Variants in MGAT4C observed in about 807,000 individuals in gnomAD.
The protein encoded by MGAT4C is alpha-1,3-mannosyl-glycoprotein 4-beta-N-acetylglucosaminyltransferase C.
In MGAT4C, 19 loss-of-function variants were observed where a neutral mutation model predicts 40.1. The observed-to-expected ratio is 0.47, with a 90% confidence interval of 0.33 to 0.70. MGAT4C has a LOEUF of 0.70. Among genes scored for constraint, MGAT4C ranks in the 30% least tolerant of loss-of-function variants. MGAT4C has a pLI of 0.02. For synonymous variants in MGAT4C, 181 were observed against 187.1 expected, an observed-to-expected ratio of 0.97 and a Z score of 0.27; for missense variants, 491 against 563.2, an observed-to-expected ratio of 0.87 and a Z score of 1.30.
chr12:86,229,297 C>T (rs1157692305), intron 1 of MGAT4C, among the ~76,000 whole-genome samples: 3 of 151,740 alleles, frequency 2.0e-5, no homozygotes, highest in Admixed American at 6.6e-5. Flanking sequence ...ATTATTAATA[C>T]AATAAATAGC....
chr12:86,340,737 A>G (rs1954889378), intron 3 of MGAT4C, among the ~76,000 whole-genome samples: 2 of 152,022 alleles, frequency 1.3e-5, no homozygotes, highest in African/African-American at 4.8e-5. Context: ...GTGGCTTGGA[A>G]CTAGAAGACC....
intron 1 of MGAT4C, among the ~76,000 whole-genome samples, chr12:86,082,674 A>C (rs1348382117): frequency 2.0e-5 from 3 of 152,116 alleles, no homozygotes; most frequent in African/African-American, 7.2e-5. Context: ...TACATATGAT[A>C]TGATATCTAT....
intron 1 of MGAT4C, among the ~76,000 whole-genome samples, chr12:86,243,527 G>A (rs1187826923): frequency 1.3e-5 from 2 of 152,168 alleles, no homozygotes; most frequent in Non-Finnish European, 2.9e-5. Flanking sequence ...TTCCATTTTA[G>A]CAGACTTAAA....
At chr12:86,745,993 C>A (rs534827902) in intron 1 of MGAT4C, among the ~76,000 whole-genome samples, 1 of 151,644 alleles carries the variant, frequency 6.6e-6, no homozygotes, top group Non-Finnish European at 1.5e-5. Flanking sequence ...TTGCTCCAGC[C>A]TCAGTGAGGA....
rs117755432 is a variant in MGAT4C, at chr12:86,517,840, G to C, written c.-228-82575C>G. 8.9e-3 allele frequency among the ~76,000 whole-genome samples: 1,353 copies of C among 152,116 alleles called. 8 individuals are homozygous for C. Among genetic ancestry groups the C allele is most frequent in the Middle Eastern group, 0.017 (5 of 294 alleles). ...TTGTTTTTGTATTTTTAGTAGTAACGGGGTTTCACCGTATTAGCCAGATGG... is the reference window on the plus strand; with the variant it reads ...TTGTTTTTGTATTTTTAGTAGTAACCGGGTTTCACCGTATTAGCCAGATGG... On this transcript the variant is annotated intron_variant, in intron 2 of 7. Transcript: ENST00000548651.
intron 2 of MGAT4C, among the ~76,000 whole-genome samples, chr12:86,606,124 A>C (rs1962035020): frequency 6.6e-6 from 1 of 152,066 alleles, no homozygotes; most frequent in South Asian, 2.1e-4. Context: ...TCATGAGAAC[A>C]GCATGGGGGA....
intron 1 of MGAT4C, among the ~76,000 whole-genome samples, chr12:86,247,469 G>T (rs895296410): frequency 6.6e-6 from 1 of 152,066 alleles, no homozygotes; most frequent in African/African-American, 2.4e-5. Context: ...ACAGTCTCGT[G>T]GGAAGACTGG....
At chr12:86,688,568 T>C (rs1038681611) in intron 2 of MGAT4C, among the ~76,000 whole-genome samples, 4 of 152,158 alleles carry the variant, frequency 2.6e-5, no homozygotes, top group African/African-American at 9.7e-5. Context: ...CAGCAGTTGC[T>C]TGTCTGTGAA....
At chr12:86,593,859 T>C (rs1284913676) in intron 2 of MGAT4C, among the ~76,000 whole-genome samples, 2 of 151,506 alleles carry the variant, frequency 1.3e-5, no homozygotes, top group Non-Finnish European at 2.9e-5. Flanking sequence ...TTCTACGTCA[T>C]GCTTCTCCAG....
intron 2 of MGAT4C, among the ~76,000 whole-genome samples, chr12:86,515,368 T>C (rs1489734423): frequency 6.6e-6 from 1 of 152,110 alleles, no homozygotes; most frequent in Non-Finnish European, 1.5e-5. Flanking sequence ...AGACACAATC[T>C]GGTATACAAA....
At chr12:86,621,355 A>C (rs970207246) in intron 2 of MGAT4C, among the ~76,000 whole-genome samples, 1 of 152,202 alleles carries the variant, frequency 6.6e-6, no homozygotes, top group Non-Finnish European at 1.5e-5. Flanking sequence ...GCTGCACAGG[A>C]CACTGATTCC....
chr12:86,480,957 A>G (rs889052834), intron 2 of MGAT4C, among the ~76,000 whole-genome samples: 5 of 151,918 alleles, frequency 3.3e-5, no homozygotes, highest in African/African-American at 9.7e-5. Context: ...ACTTTGAAGT[A>G]AAACTACCCA....
intron 2 of MGAT4C, among the ~76,000 whole-genome samples, chr12:86,540,200 T>C (rs1013498542): frequency 1.3e-5 from 2 of 152,232 alleles, no homozygotes; most frequent in African/African-American, 4.8e-5. Flanking sequence ...GTGTGACTAC[T>C]GAAGCTAGGT....
rs1346724136 is a variant in MGAT4C at position 86,343,497 on chromosome 12, CAT to C, written c.-119-9372_-119-9371del. ...CTATTGGAAATATGTCTTGGAAAAA[CAT>C]ATATTTTATTGTATATTTTCCTTTA... On this transcript the variant is annotated intron_variant, in intron 3 of 7. Coordinates refer to the MGAT4C transcript ENST00000548651. Among the ~76,000 whole-genome samples, 3 of 152,062 alleles carry C rather than the reference CAT, an allele frequency of 2.0e-5. No individual in the cohort carries two copies. The East Asian group carries it at 5.8e-4, about 29-fold the overall frequency.
intron 1 of MGAT4C, among the ~76,000 whole-genome samples, chr12:86,162,508 G>A (rs1266730524): frequency 1.3e-5 from 2 of 152,056 alleles, no homozygotes; most frequent in African/African-American, 4.8e-5. Context: ...TGGAGGGGGA[G>A]TGAGTTAAAA....
intron 2 of MGAT4C, among the ~76,000 whole-genome samples, chr12:86,726,567 G>A (rs1048401787): frequency 2.6e-5 from 4 of 152,050 alleles, no homozygotes; most frequent in Non-Finnish European, 4.4e-5. Context: ...TTTGCCATAC[G>A]TTCTAGTAAC....
At chr12:85,988,210 CACTA>C (rs1286127253) in intron 3 of MGAT4C, among the ~76,000 whole-genome samples, 12 of 152,096 alleles carry the variant, frequency 7.9e-5, no homozygotes, top group Non-Finnish European at 1.3e-4. Context: ...ACATCAGAAT[CACTA>C]TTTGAAGACA....
chr12:86,067,489 T>C (rs1894658737), intron 1 of MGAT4C, among the ~76,000 whole-genome samples: 1 of 147,804 alleles, frequency 6.8e-6, no homozygotes, highest in African/African-American at 2.5e-5. Context: ...TTCTCACTCA[T>C]AAGTAGGAGC....
intron 1 of MGAT4C, among the ~76,000 whole-genome samples, chr12:86,078,940 G>T (rs1870314233): frequency 6.6e-6 from 1 of 152,182 alleles, no homozygotes; most frequent in African/African-American, 2.4e-5. Flanking sequence ...ATGTATAGAA[G>T]TTATTTTGTA....
Sources: gnomAD v4.1 joint callset for allele counts (sites outside exome capture counted in the v4.1 genomes callset) on GRCh38, gnomAD v4.1.1 for gene constraint, MANE v1.5 for transcripts, NCBI Gene and HGNC (gene_info 2026-07-23, HGNC 2026-07-21) for gene names.